Variants in COBL observed in about 807,000 individuals in gnomAD.
COBL encodes cordon-bleu WH2 repeat protein.
COBL carries 51 observed loss-of-function variants against 98.8 expected under a neutral mutation model. That is an observed-to-expected ratio of 0.52 (90% CI 0.41 to 0.65). The LOEUF is 0.65. COBL is among the 30% of genes least tolerant of loss of function. The pLI is 0.00. For synonymous variants in COBL, 634 were observed against 651.7 expected (o/e 0.97, Z 0.41); for missense variants, 1,617 against 1,617.5 (o/e 1.00, Z 0.01).
chr7:51,164,088 T>A (rs560267528), intron 5 of COBL, among the ~76,000 whole-genome samples: 5 of 152,162 alleles, frequency 3.3e-5, no homozygotes, highest in Non-Finnish European at 7.4e-5. Flanking sequence ...TGAGTAAGAG[T>A]TTTATCTCTT....
In COBL at chr7:51,028,635, C is replaced by T. The variant is rs759312340; in HGVS notation, c.2461G>A (p.Ala821Thr). ...PKPISPQQKS[A>T]HHEGRNPLGE... ...AGGGGGTTCCGGCCCTCATGGTGGG[C>T]AGACTTCTGCTGGGGCGATATTGGC... Residue 821 changes from alanine (A) to threonine (T), a missense_variant, in exon 10 of 13, where the codon GCC becomes ACC. Ala to Thr is a moderately conservative substitution (Grantham distance 58). This residue lies in a region of COBL where 1,304 missense variants were observed against 1,282.0 expected (regional missense o/e 1.02). Coordinates refer to ENST00000265136, the MANE Select transcript of COBL (RefSeq NM_015198.5). 6.2e-7 allele frequency: 1 copy of T among 1,613,206 alleles called. No individual in the cohort carries two copies. Among genetic ancestry groups the T allele is most frequent in the East Asian group, 2.2e-5 (1 of 44,870 alleles).
At chr7:51,251,479 C>T (rs532858341) in intron 1 of COBL, among the ~76,000 whole-genome samples, 3 of 152,246 alleles carry the variant, frequency 2.0e-5, no homozygotes, top group South Asian at 2.1e-4. Flanking sequence ...TGACCTCTGC[C>T]GAATGACTCA....
chr7:51,251,733 T>G (rs1335383113), intron 1 of COBL, among the ~76,000 whole-genome samples: 5 of 152,192 alleles, frequency 3.3e-5, no homozygotes, highest in Non-Finnish European at 7.3e-5. Flanking sequence ...TCTGTCAGAT[T>G]GAACACACAG....
intron 2 of COBL, among the ~76,000 whole-genome samples, chr7:51,214,695 A>T (rs549229517): frequency 6.6e-6 from 1 of 152,300 alleles, no homozygotes; most frequent in East Asian, 1.9e-4. Flanking sequence ...TACCCTTAAA[A>T]TCATCTGTTA....
chr7:51,314,941 G>C (rs1563158965), intron 1 of COBL, among the ~76,000 whole-genome samples: 1 of 152,186 alleles, frequency 6.6e-6, no homozygotes, highest in African/African-American at 2.4e-5. Context: ...CGCTCTTAGG[G>C]TAAGTCCTTT....
At chr7:51,085,911 T>C (rs553024965) in intron 6 of COBL, among the ~76,000 whole-genome samples, 25 of 152,288 alleles carry the variant, frequency 1.6e-4, no homozygotes, top group African/African-American at 5.8e-4. Flanking sequence ...GTATGGGACA[T>C]TAGCCCCCAA....
At chr7:51,145,000 G>GT (rs1784887751) in intron 5 of COBL, among the ~76,000 whole-genome samples, 1 of 152,166 alleles carries the variant, frequency 6.6e-6, no homozygotes, top group African/African-American at 2.4e-5. Context: ...AAGCATTTGT[G>GT]TACTATTCAC....
In COBL at chr7:51,017,117, G is replaced by GT. The variant is rs200867028; in HGVS notation, c.*433dup. On this transcript the variant is annotated 3_prime_UTR_variant, in exon 13 of 13. Transcript: ENST00000265136. ...TCAGATTGTTCCATCTGATTCATAT[G>GT]TTTTTTCTAAAATTCAAAAGATCTT... 3.6e-3 allele frequency: 1,526 copies of GT among 426,204 alleles called. 24 individuals are homozygous for GT. Among genetic ancestry groups the GT allele is most frequent in the African/African-American group, 0.028 (1,373 of 49,316 alleles). The allele number at this position is 426,204 out of a possible 1,614,324, so 26.4% of individuals were successfully genotyped here.
At chr7:51,190,754 GCTA>G (rs1484901571) in intron 4 of COBL, 93 bp downstream of exon 4, 1 of 941,074 alleles carries the variant, frequency 1.1e-6, no homozygotes, top group Non-Finnish European at 1.7e-6. Flanking sequence ...TCTCCCTGGC[GCTA>G]CTGAGAGTGC....
chr7:51,026,288 C>G (rs1023740338), intron 11 of COBL, among the ~76,000 whole-genome samples: 1 of 152,226 alleles, frequency 6.6e-6, no homozygotes, highest in Non-Finnish European at 1.5e-5. Flanking sequence ...GTTCTAGGCA[C>G]AGGAAGGAAC....
chr7:51,139,861 A>G (rs1562956874), intron 5 of COBL, among the ~76,000 whole-genome samples: 1 of 152,196 alleles, frequency 6.6e-6, no homozygotes, highest in Non-Finnish European at 1.5e-5. Flanking sequence ...TCTGGAGTCA[A>G]AACAGCTTGG....
chr7:51,241,504 C>G (rs1325517109), intron 1 of COBL, among the ~76,000 whole-genome samples: 2 of 152,142 alleles, frequency 1.3e-5, no homozygotes, highest in African/African-American at 4.8e-5. Context: ...GCTCCTCGGC[C>G]GTTCCCACGA....
intron 6 of COBL, among the ~76,000 whole-genome samples, chr7:51,134,214 G>C (rs536061767): frequency 1.3e-5 from 2 of 152,254 alleles, no homozygotes; most frequent in South Asian, 4.2e-4. Flanking sequence ...ATACCTTTCA[G>C]TTTAAAAAAG....
At chr7:51,290,460 T>C (rs772059976) in intron 1 of COBL, among the ~76,000 whole-genome samples, 7 of 152,040 alleles carry the variant, frequency 4.6e-5, no homozygotes, top group Non-Finnish European at 8.8e-5. Flanking sequence ...CTTGTCTACA[T>C]TGTAAAATGA....
intron 2 of COBL, among the ~76,000 whole-genome samples, chr7:51,209,620 C>T (rs936151230): frequency 2.0e-5 from 3 of 152,104 alleles, no homozygotes; most frequent in East Asian, 1.9e-4. Flanking sequence ...CTTAAAAATG[C>T]GAACACCACA....
At chr7:51,135,228 G>A (rs886592314) in intron 6 of COBL, among the ~76,000 whole-genome samples, 3 of 152,184 alleles carry the variant, frequency 2.0e-5, no homozygotes, top group Admixed American at 6.5e-5. Context: ...CTCCCAAAGC[G>A]CCGGGATTAC....
intron 7 of COBL, among the ~76,000 whole-genome samples, chr7:51,062,287 C>T (rs967557508): frequency 6.6e-6 from 1 of 151,972 alleles, no homozygotes; most frequent in African/African-American, 2.4e-5. Flanking sequence ...CTCTCTCTCT[C>T]TCTCTTTAAT....
intron 6 of COBL, among the ~76,000 whole-genome samples, chr7:51,097,411 C>G (rs1222716463): frequency 6.6e-6 from 1 of 152,162 alleles, no homozygotes; most frequent in Non-Finnish European, 1.5e-5. Context: ...ACCTTCTCTT[C>G]CCATTTCTAT....
In COBL at chr7:51,027,731, C is replaced by T. The variant is rs764475033; in HGVS notation, c.3365G>A (p.Gly1122Glu). The T allele has an allele frequency of 8.7e-6, 14 of 1,613,352 alleles. No homozygotes were observed. The highest frequency in any genetic ancestry group is 1.6e-4 in the Middle Eastern group (1 of 6,074). The change falls in exon 10 of 13, where the codon GGG (glycine) becomes GAG (glutamate). Residue 1122 changes from glycine to glutamate, a missense_variant. By Grantham distance (98) the Gly-to-Glu change is moderately conservative (BLOSUM62 -2). Transcript: ENST00000265136. ...ALMEAIHSAG[G>E]KDRLRKTAEH... ...CCTCACCTTGCGTAGTCTGTCCTTC[C>T]CTCCCGCAGAGTGGATGGCTTCCAT...
Sources: gnomAD v4.1 joint callset for allele counts (sites outside exome capture counted in the v4.1 genomes callset) on GRCh38, gnomAD v4.1.1 for gene constraint, gnomAD v4.1.1 regional missense constraint, MANE v1.5 for transcripts, NCBI Gene and HGNC (gene_info 2026-07-23, HGNC 2026-07-21) for gene names.